Variants in ATAD2B observed in about 807,000 individuals in gnomAD.
The protein encoded by ATAD2B is ATPase family AAA domain-containing protein 2B.
ATAD2B carries 40 observed loss-of-function variants against 167.6 expected under a neutral mutation model. The observed-to-expected ratio is 0.24, with a 90% CI of 0.19 to 0.31. The LOEUF is 0.31. ATAD2B is among the 10% of genes least tolerant of loss of function. ATAD2B has a pLI of 1.00. For missense variants in ATAD2B, 1,242 were observed against 1,757.2 expected (o/e 0.71, Z 5.24); for synonymous variants, 579 against 596.5 (o/e 0.97, Z 0.43).
chr2:23,679,945 G>A, the ATAD2B span, among the ~76,000 whole-genome samples: 2 of 152,208 alleles, frequency 1.3e-5, no homozygotes, highest in Non-Finnish European at 2.9e-5. Context: ...TGGGGTGCAA[G>A]GAGGCTTCGC....
At chr2:23,761,970 T>C (rs1676799029) in intron 24 of ATAD2B, among the ~76,000 whole-genome samples, 1 of 152,202 alleles carries the variant, frequency 6.6e-6, no homozygotes, top group Non-Finnish European at 1.5e-5. Flanking sequence ...ACTGAAAATA[T>C]TCAAGCCTAG....
chr2:23,872,490 G>C, intron 8 of ATAD2B: 1 of 762,102 alleles, frequency 1.3e-6, no homozygotes, highest in Non-Finnish European at 2.4e-6. Context: ...CTTTTACCAG[G>C]TGAGCTATTT....
At chr2:23,712,042 A>G in the ATAD2B span, among the ~76,000 whole-genome samples, 1 of 152,154 alleles carries the variant, frequency 6.6e-6, no homozygotes, top group South Asian at 2.1e-4. Context: ...TACACTGTTG[A>G]GTTTCATGCT....
In ATAD2B at chr2:23,864,898, C is replaced by A; in HGVS notation, c.1215G>T (p.Leu405Phe). 6.3e-7 allele frequency: 1 copy of A among 1,596,316 alleles called. No individual in the cohort carries two copies. Among genetic ancestry groups the A allele is most frequent in the South Asian group, 1.2e-5 (1 of 86,870 alleles). The change falls in exon 11 of 28, where the codon TTG (leucine) becomes TTT (phenylalanine). Residue 405 changes from leucine (L) to phenylalanine (F), a missense_variant. Leu to Phe is a conservative substitution (Grantham distance 22). Coordinates refer to ENST00000238789, the MANE Select transcript of ATAD2B (RefSeq NM_017552.4). ...KSVRFDSIGGLSHHIHALKEM... is the reference protein window; with the variant it reads ...KSVRFDSIGGFSHHIHALKEM... ...CCTTTAGCGCATGAATATGATGGCTCAATCCACCTATGCTATCAAACCGTA... is the reference window on the plus strand; with the variant it reads ...CCTTTAGCGCATGAATATGATGGCTAAATCCACCTATGCTATCAAACCGTA...
the ATAD2B span, among the ~76,000 whole-genome samples, chr2:23,722,217 C>A: frequency 6.6e-6 from 1 of 151,752 alleles, no homozygotes; most frequent in Non-Finnish European, 1.5e-5. Flanking sequence ...ATGTAACCTC[C>A]AAAGAAAACA....
chr2:23,864,047 TC>T (rs35070391), intron 11 of ATAD2B, among the ~76,000 whole-genome samples: 110,048 of 150,378 alleles, frequency 0.73, 40,725 homozygotes, highest in East Asian at 0.86. Context: ...TGAGACGGAA[TC>T]CTCACTGTCA....
At chr2:23,803,412 T>C (rs1440290013) in intron 18 of ATAD2B, among the ~76,000 whole-genome samples, 1 of 152,038 alleles carries the variant, frequency 6.6e-6, no homozygotes, top group Non-Finnish European at 1.5e-5. Context: ...TAGCTCAAAG[T>C]GAGAGCTATT....
At chr2:23,783,160 T>C (rs952953519) in intron 21 of ATAD2B, 132 bp from the exon 22 acceptor site, 10 of 476,248 alleles carry the variant, frequency 2.1e-5, no homozygotes, top group East Asian at 1.9e-4. Flanking sequence ...AAAGATAAAA[T>C]TGCAGCGCTA....
chr2:23,784,864 A>C (rs967093555), intron 21 of ATAD2B, among the ~76,000 whole-genome samples: 1 of 152,106 alleles, frequency 6.6e-6, no homozygotes, highest in African/African-American at 2.4e-5. Context: ...GAAAGATATA[A>C]AGTAGCTATG....
chr2:23,782,743 G>A (rs1680249833), intron 22 of ATAD2B, 126 bp downstream of exon 22: 1 of 662,566 alleles, frequency 1.5e-6, no homozygotes. Context: ...GCTTCTTATT[G>A]AGAAGTTTTG....
chr2:23,772,166 TA>T (rs1678434288), intron 22 of ATAD2B, among the ~76,000 whole-genome samples: 1 of 152,104 alleles, frequency 6.6e-6, no homozygotes, highest in African/African-American at 2.4e-5. Context: ...AGGGGGTAAA[TA>T]AATCGAGTCC....
intron 15 of ATAD2B, among the ~76,000 whole-genome samples, chr2:23,827,151 A>C (rs1023670876): frequency 1.3e-5 from 2 of 152,134 alleles, no homozygotes; most frequent in Non-Finnish European, 2.9e-5. Flanking sequence ...GAAGTCATTT[A>C]ATTATAATGG....
rs571683997 is a variant in ATAD2B, at chr2:23,877,974, C to T, written c.902-2070G>A. On this transcript the variant is annotated intron_variant, in intron 7 of 27. Coordinates refer to ENST00000238789, the MANE Select transcript of ATAD2B (RefSeq NM_017552.4). ...GCAGAAGAATGCAGTGAGCCATGTT[C>T]GCACCAATGCACTCCAGCCTGGATG... 6.7e-5 allele frequency among the ~76,000 whole-genome samples: 8 copies of T among 119,198 alleles called. No homozygotes were observed. The South Asian group carries it at 1.7e-3, about 25-fold the overall frequency. The allele number at this position is 119,198 out of a possible 152,430, so 78.2% of individuals were successfully genotyped here. A position where few individuals can be genotyped will look rare whatever the true frequency, so the allele number is the denominator to read the frequency against.
chr2:23,880,100 A>C (rs975451595), intron 7 of ATAD2B, among the ~76,000 whole-genome samples: 2 of 152,062 alleles, frequency 1.3e-5, no homozygotes, highest in African/African-American at 2.4e-5. Flanking sequence ...TCCCTAAAGA[A>C]CTGCTATAAA....
chr2:23,692,490 G>T, the ATAD2B span, among the ~76,000 whole-genome samples: 21 of 152,262 alleles, frequency 1.4e-4, no homozygotes, highest in African/African-American at 5.1e-4. Flanking sequence ...CAGTGGCCTG[G>T]GGTGTGGAGT....
At chr2:23,798,413 G>A in intron 18 of ATAD2B, 90 bp from the exon 19 acceptor site, 3 of 1,004,544 alleles carry the variant, frequency 3.0e-6, no homozygotes, top group Non-Finnish European at 4.2e-6. Flanking sequence ...AATATGTCAG[G>A]CCTATTATGG....
chr2:23,908,550 T>C (rs1165476968), intron 1 of ATAD2B, among the ~76,000 whole-genome samples: 1 of 152,170 alleles, frequency 6.6e-6, no homozygotes, highest in Non-Finnish European at 1.5e-5. Flanking sequence ...GACTGTAAAC[T>C]AGTTCAACCC....
rs533638664 is a variant in ATAD2B, at chr2:23,907,724, C to T, written c.217-11754G>A. On this transcript the variant is annotated intron_variant, in intron 1 of 27. Transcript: ENST00000238789. ...GAACAAAGCTGGAGGCATCACACTA[C>T]GTGACTTCAAACTGTATTACAAGGC... Among the ~76,000 whole-genome samples the T allele has an allele frequency of 2.6e-5, 4 of 152,316 alleles. No homozygotes were observed. The East Asian group carries it at 5.8e-4, about 22-fold the overall frequency.
chr2:23,682,813 C>T, the ATAD2B span, among the ~76,000 whole-genome samples: 4 of 152,244 alleles, frequency 2.6e-5, no homozygotes, highest in East Asian at 3.9e-4. This position sits in a 1 kb window ranked among gnomAD's most constrained non-coding sequence, Gnocchi z 4.1. Context: ...CAGCCAGAGC[C>T]CCCTTCCGCA....
Sources: allele counts gnomAD v4.1 joint callset (sites outside exome capture counted in the v4.1 genomes callset), GRCh38; gene constraint gnomAD v4.1.1; non-coding constraint Gnocchi (gnomAD v3.1); transcripts MANE v1.5; gene names NCBI Gene and HGNC (gene_info 2026-07-23, HGNC 2026-07-21).